The following PRKG1 variants were observed in gnomAD, a reference collection of about 807,000 sequenced individuals.
The protein encoded by PRKG1 is protein kinase cGMP-dependent 1.
Under a neutral mutation model 88.1 loss-of-function variants are expected in PRKG1, and 35 were observed. The observed-to-expected ratio is 0.40, with a 90% CI of 0.30 to 0.53. The LOEUF is 0.53. PRKG1 is among the 20% of genes least tolerant of loss of function. The pLI is 0.59. For missense variants in PRKG1, 540 were observed against 839.8 expected, an observed-to-expected ratio of 0.64 and a Z score of 4.41; for synonymous variants, 303 against 292.5, an observed-to-expected ratio of 1.04 and a Z score of -0.37.
chr10:51,041,523 T>A (rs965764054), intron 1 of PRKG1, among the ~76,000 whole-genome samples: 11 of 152,098 alleles, frequency 7.2e-5, no homozygotes, highest in African/African-American at 2.7e-4. Flanking sequence ...ATCCAGTGGC[T>A]CTTTTGCCAG....
At chr10:51,695,776 C>T (rs1467444103) in intron 3 of PRKG1, 2 of 152,078 alleles carry the variant, frequency 1.3e-5, no homozygotes, top group Non-Finnish European at 2.9e-5. Flanking sequence ...GGGATGAAAA[C>T]CTTGCAAACA....
At chr10:52,154,772 G>A (rs1005172663) in intron 8 of PRKG1, among the ~76,000 whole-genome samples, 6 of 152,136 alleles carry the variant, frequency 3.9e-5, no homozygotes, top group South Asian at 2.1e-4. Context: ...TACCCAGTAC[G>A]TAGTCTTTTA....
intron 5 of PRKG1, among the ~76,000 whole-genome samples, chr10:51,924,715 CTTT>C (rs200481363): frequency 0.011 from 1,531 of 142,446 alleles, 19 homozygotes; most frequent in African/African-American, 0.036. Flanking sequence ...CTCGAATATT[CTTT>C]TTTTTTTTTT....
At chr10:51,321,201 A>G (rs1486498425) in intron 2 of PRKG1, among the ~76,000 whole-genome samples, 1 of 152,192 alleles carries the variant, frequency 6.6e-6, no homozygotes, top group Non-Finnish European at 1.5e-5. Flanking sequence ...TGACCTCTTT[A>G]CATAACTAGG....
At chr10:52,113,092 A>G (rs751237613) in intron 7 of PRKG1, among the ~76,000 whole-genome samples, 2 of 152,148 alleles carry the variant, frequency 1.3e-5, no homozygotes, top group Admixed American at 1.3e-4. Context: ...ACTAAATGAT[A>G]GTGTTCTTTT....
intron 4 of PRKG1, among the ~76,000 whole-genome samples, chr10:51,849,944 G>A (rs1840502459): frequency 6.6e-6 from 1 of 152,074 alleles, no homozygotes; most frequent in South Asian, 2.1e-4. Flanking sequence ...CAAGGTAGAT[G>A]TTTTAATAAA....
intron 1 of PRKG1, among the ~76,000 whole-genome samples, chr10:51,007,247 G>A (rs547167900): frequency 6.6e-6 from 1 of 152,148 alleles, no homozygotes; most frequent in East Asian, 1.9e-4. Context: ...GTCCGGCTGG[G>A]CCTGAGATTC....
In PRKG1 at chr10:51,215,677, TTCTTTG is replaced by T. The variant is rs560523698; in HGVS notation, c.478+62351_478+62356del. On this transcript the variant is annotated intron_variant, in intron 2 of 17. Coordinates refer to ENST00000373980, the MANE Select transcript of PRKG1 (RefSeq NM_006258.4). ...TTTATAAAACAGTCATTGATCAACA[TTCTTTG>T]TCTCTCCCTCTCCATCCCTCTCTTC... Among the ~76,000 whole-genome samples the T allele has an allele frequency of 1.1e-4, 17 of 152,310 alleles. No individual in the cohort carries two copies. The South Asian group carries it at 3.3e-3, about 30-fold the overall frequency.
At chr10:51,007,228 A>C (rs1171480941) in intron 1 of PRKG1, among the ~76,000 whole-genome samples, 1 of 151,934 alleles carries the variant, frequency 6.6e-6, no homozygotes, top group African/African-American at 2.4e-5. Flanking sequence ...TACAGGCATG[A>C]GCCACTGCGT....
intron 2 of PRKG1, among the ~76,000 whole-genome samples, chr10:51,163,264 T>C (rs1479787973): frequency 6.6e-6 from 1 of 152,236 alleles, no homozygotes; most frequent in African/African-American, 2.4e-5. Context: ...TAAGTTACTC[T>C]GTACACTGTT....
At chr10:51,230,361 A>G (rs1195078694) in intron 2 of PRKG1, among the ~76,000 whole-genome samples, 1 of 152,232 alleles carries the variant, frequency 6.6e-6, no homozygotes, top group Non-Finnish European at 1.5e-5. Context: ...AGTGATTCAT[A>G]TATGTGTGCA....
rs1346338414 is a variant in PRKG1 at position 52,093,694 on chromosome 10, CTCTGTT to C, written c.935+31065_935+31070del. On this transcript the variant is annotated intron_variant, in intron 7 of 17. Transcript: ENST00000373980. Reference sequence around the variant, plus strand: ...TGTTTTGAATTATGCAAATAATCACCTCTGTTTATTACTTCCATTTGTTAGTGTAGG... The same window carrying C: ...TGTTTTGAATTATGCAAATAATCACCTATTACTTCCATTTGTTAGTGTAGG... 2.6e-5 allele frequency among the ~76,000 whole-genome samples: 4 copies of C among 152,252 alleles called. 1 individual carries two copies. Among genetic ancestry groups the C allele is most frequent in the Admixed American group, 1.3e-4 (2 of 15,280 alleles).
chr10:51,252,937 G>A (rs1839464349), intron 2 of PRKG1, among the ~76,000 whole-genome samples: 1 of 151,762 alleles, frequency 6.6e-6, no homozygotes, highest in South Asian at 2.1e-4. Context: ...TAAAATGAAA[G>A]GCATTCTGGC....
intron 1 of PRKG1, among the ~76,000 whole-genome samples, chr10:51,064,382 T>C (rs866086497): frequency 1.6e-4 from 25 of 152,210 alleles, no homozygotes; most frequent in Middle Eastern, 6.8e-3. Context: ...GATCTAGAAG[T>C]TTCACACAGT....
At chr10:51,481,162 T>C (rs1840344191) in intron 3 of PRKG1, among the ~76,000 whole-genome samples, 1 of 151,946 alleles carries the variant, frequency 6.6e-6, no homozygotes, top group East Asian at 1.9e-4. Context: ...ATGAGGCTAT[T>C]TTACTCTTCA....
chr10:51,298,713 C>T (rs773132324), intron 2 of PRKG1, among the ~76,000 whole-genome samples: 5 of 151,924 alleles, frequency 3.3e-5, no homozygotes, highest in African/African-American at 9.7e-5. Context: ...AATATCATGC[C>T]GATAGAATTA....
chr10:51,021,603 AG>A (rs759142672), intron 1 of PRKG1, among the ~76,000 whole-genome samples: 41 of 152,196 alleles, frequency 2.7e-4, no homozygotes, highest in Non-Finnish European at 6.0e-4. Flanking sequence ...AGTAGATAAA[AG>A]GTAGAATTTT....
intron 3 of PRKG1, among the ~76,000 whole-genome samples, chr10:51,542,278 A>G (rs1214725929): frequency 1.3e-5 from 2 of 152,182 alleles, no homozygotes; most frequent in Admixed American, 6.5e-5. Flanking sequence ...GAAAAAACAT[A>G]ACAGCAACTA....
chr10:51,157,129 A>G (rs1846234669), intron 2 of PRKG1, among the ~76,000 whole-genome samples: 1 of 151,956 alleles, frequency 6.6e-6, no homozygotes, highest in South Asian at 2.1e-4. Context: ...TATGGTTTTA[A>G]CAAAGAGAAT....
Sources: gnomAD v4.1 joint callset for allele counts (sites outside exome capture counted in the v4.1 genomes callset) on GRCh38, gnomAD v4.1.1 for gene constraint, MANE v1.5 for transcripts, NCBI Gene and HGNC (gene_info 2026-07-23, HGNC 2026-07-21) for gene names.